DSCAM: variants seen among roughly 807,000 people sequenced by gnomAD.
DSCAM encodes the protein cell adhesion molecule DSCAM.
In DSCAM, 47 loss-of-function variants were observed where a neutral mutation model predicts 217.7. The ratio of observed to expected loss-of-function variants is 0.22; its 90% CI spans 0.17 to 0.28. The LOEUF (loss-of-function observed/expected upper bound fraction) is 0.28, where lower values mean the gene tolerates loss of function less well. Among genes scored for constraint, DSCAM ranks in the 10% least tolerant of loss-of-function variants. The pLI is 1.00. For missense variants in DSCAM, 2,080 were observed against 2,618.3 expected, an observed-to-expected ratio of 0.79 and a Z score of 4.49; for synonymous variants, 1,056 against 1,015.3, an observed-to-expected ratio of 1.04 and a Z score of -0.76.
chr21:40,579,351 A>C (rs1182046197), intron 3 of DSCAM, among the ~76,000 whole-genome samples: 1 of 152,168 alleles, frequency 6.6e-6, no homozygotes, highest in Non-Finnish European at 1.5e-5. Context: ...TGATTTGATG[A>C]AATCACCCAA....
At chr21:40,824,514 A>G (rs1429936774) in intron 1 of DSCAM, among the ~76,000 whole-genome samples, 2 of 150,344 alleles carry the variant, frequency 1.3e-5, no homozygotes, top group African/African-American at 2.5e-5. Flanking sequence ...GGCTCAAGCA[A>G]TTCTCCCACC....
intron 1 of DSCAM, among the ~76,000 whole-genome samples, chr21:40,710,596 G>A (rs1056797363): frequency 6.6e-5 from 10 of 151,518 alleles, no homozygotes; most frequent in African/African-American, 9.7e-5. Context: ...TTCTCTTTTC[G>A]CTTCTACAAG....
chr21:40,236,083 T>C (rs1601468823), intron 11 of DSCAM, among the ~76,000 whole-genome samples: 1 of 152,202 alleles, frequency 6.6e-6, no homozygotes, highest in African/African-American at 2.4e-5. Context: ...CACTTAAATA[T>C]ATAAACTTGT....
Position 40,062,869 on chromosome 21 carries a change from C to A in DSCAM, c.4919G>T (p.Ser1640Ile), listed in dbSNP as rs2089144746. The A allele has an allele frequency of 6.3e-7, 1 of 1,594,336 alleles. No homozygotes were observed. Among genetic ancestry groups the A allele is most frequent in the Admixed American group, 1.8e-5 (1 of 55,554 alleles). Residue 1640 changes from serine to isoleucine, a missense_variant and splice_region_variant, in exon 28 of 33, where the codon AGT becomes ATT. Around this residue, in one of 5 missense-constraint regions of DSCAM, gnomAD observed 1,144 missense variants for 1,421.1 expected, o/e 0.81. Transcript: ENST00000400454. ...DAKSLAEMLM[S>I]KNTRTSDTLS... ...CTGGGGTGCTAGGTCTTGTTCTTACCTCATGAGCATTTCAGCTAAACTCTT... is the reference window on the plus strand; with the variant it reads ...CTGGGGTGCTAGGTCTTGTTCTTACATCATGAGCATTTCAGCTAAACTCTT...
At chr21:40,577,471 G>A (rs1206064976) in intron 3 of DSCAM, among the ~76,000 whole-genome samples, 3 of 152,180 alleles carry the variant, frequency 2.0e-5, no homozygotes, top group Middle Eastern at 3.4e-3. Context: ...CCTCCGAGCC[G>A]GCTGTCCTTC....
chr21:40,298,572 T>C (rs192123176), intron 9 of DSCAM, among the ~76,000 whole-genome samples: 34 of 152,288 alleles, frequency 2.2e-4, no homozygotes, highest in Admixed American at 3.3e-4. Context: ...TATCTCTGAG[T>C]GAGGAAATTA....
At chr21:40,354,436 T>C (rs1399796407) in intron 4 of DSCAM, among the ~76,000 whole-genome samples, 1 of 152,098 alleles carries the variant, frequency 6.6e-6, no homozygotes, top group Non-Finnish European at 1.5e-5. Flanking sequence ...GGTGCAATGA[T>C]TGCTCACCAC....
intron 19 of DSCAM, among the ~76,000 whole-genome samples, 182 bp downstream of exon 19, chr21:40,133,671 TA>T (rs2090177259): frequency 6.6e-6 from 1 of 152,008 alleles, no homozygotes; most frequent in Non-Finnish European, 1.5e-5. Context: ...AGCAATGGAT[TA>T]GACACATCAA....
At chr21:40,059,321 T>C (rs541953596) in intron 28 of DSCAM, among the ~76,000 whole-genome samples, 1 of 152,342 alleles carries the variant, frequency 6.6e-6, no homozygotes, top group Admixed American at 6.5e-5. Context: ...GTTATCTCTT[T>C]GGAGCAAACA....
At chr21:40,813,542 A>G (rs1372893620) in intron 1 of DSCAM, among the ~76,000 whole-genome samples, 2 of 151,758 alleles carry the variant, frequency 1.3e-5, no homozygotes. Flanking sequence ...AGAATTTTTA[A>G]ATTTCCGTCT....
At position 40,715,474 on chromosome 21, in the gene DSCAM, C is replaced by T. The variant is rs116540163; in HGVS notation, c.44-6703G>A. ...CAGAGAAAAATACATTTTGTACAAGCGATAGCTCTTACCCACAGAGAAGAG... is the reference window on the plus strand; with the variant it reads ...CAGAGAAAAATACATTTTGTACAAGTGATAGCTCTTACCCACAGAGAAGAG... On this transcript the variant is annotated intron_variant, in intron 1 of 32. Coordinates refer to ENST00000400454, the MANE Select transcript of DSCAM (RefSeq NM_001389.5). 3.2e-3 allele frequency among the ~76,000 whole-genome samples: 493 copies of T among 152,280 alleles called. 1 individual carries two copies. Among genetic ancestry groups the T allele is most frequent in the African/African-American group, 0.011 (469 of 41,556 alleles).
At chr21:40,420,397 G>C (rs540436430) in intron 3 of DSCAM, among the ~76,000 whole-genome samples, 1 of 152,222 alleles carries the variant, frequency 6.6e-6, no homozygotes, top group South Asian at 2.1e-4. Flanking sequence ...AGAATGCCTG[G>C]TATTTATAAT....
intron 9 of DSCAM, 113 bp downstream of exon 9, chr21:40,311,968 T>TTTTTTAA: frequency 4.6e-6 from 1 of 219,392 alleles, no homozygotes; most frequent in Non-Finnish European, 8.8e-6. Context: ...TTTAGTGAGA[T>TTTTTTAA]AAAACTGAAT....
intron 3 of DSCAM, among the ~76,000 whole-genome samples, chr21:40,500,376 G>A (rs1170420463): frequency 2.0e-5 from 3 of 152,018 alleles, no homozygotes; most frequent in Non-Finnish European, 4.4e-5. Flanking sequence ...TCTTTCAACT[G>A]ATTAAGACTC....
intron 8 of DSCAM, among the ~76,000 whole-genome samples, chr21:40,331,420 C>A (rs1435111876): frequency 6.6e-6 from 1 of 152,188 alleles, no homozygotes; most frequent in Admixed American, 6.5e-5. Flanking sequence ...GGAAGGCGAG[C>A]AGACACACTC....
At chr21:40,262,648 G>C (rs1318674459) in intron 11 of DSCAM, among the ~76,000 whole-genome samples, 6 of 152,090 alleles carry the variant, frequency 3.9e-5, no homozygotes, top group Non-Finnish European at 8.8e-5. Context: ...TCTTATGAAG[G>C]CATCTCATTG....
chr21:40,124,688 C>T (rs1300101316), intron 19 of DSCAM, among the ~76,000 whole-genome samples: 2 of 152,026 alleles, frequency 1.3e-5, no homozygotes, highest in African/African-American at 4.8e-5. Flanking sequence ...ATCTATAAGC[C>T]AAGGAGAGAA....
intron 1 of DSCAM, among the ~76,000 whole-genome samples, chr21:40,789,664 T>C (rs2091622815): frequency 6.6e-6 from 1 of 151,472 alleles, no homozygotes; most frequent in South Asian, 2.1e-4. Context: ...CACGCCATTC[T>C]CCTGCCTCAG....
chr21:40,841,659 TCAG>T (rs2092102966), intron 1 of DSCAM, among the ~76,000 whole-genome samples: 1 of 152,066 alleles, frequency 6.6e-6, no homozygotes, highest in Non-Finnish European at 1.5e-5. Flanking sequence ...CCTGTCACCA[TCAG>T]CAGGAGAAGC....
Sources: allele counts gnomAD v4.1 joint callset (sites outside exome capture counted in the v4.1 genomes callset), GRCh38; gene constraint gnomAD v4.1.1; regional missense constraint gnomAD v4.1.1; transcripts MANE v1.5; gene names NCBI Gene and HGNC (gene_info 2026-07-23, HGNC 2026-07-21).